USP15: variants seen among roughly 807,000 people sequenced by gnomAD.
The protein encoded by USP15 is ubiquitin carboxyl-terminal hydrolase 15.
In USP15, 18 loss-of-function variants were observed where a neutral mutation model predicts 127.1. The observed-to-expected ratio is 0.14, with a 90% CI of 0.10 to 0.21. The LOEUF (loss-of-function observed/expected upper bound fraction) is 0.21. USP15 is among the 10% of genes least tolerant of loss of function. The pLI is 1.00. For synonymous variants in USP15, 364 were observed against 393.7 expected (o/e 0.92, Z 0.89); for missense variants, 805 against 1,159.9 (o/e 0.69, Z 4.44).
intron 6 of USP15, chr12:62,335,915 C>T (rs954273379): frequency 3.0e-6 from 3 of 985,298 alleles, no homozygotes; most frequent in African/African-American, 1.7e-5. Flanking sequence ...AAGGACTTTG[C>T]CTCTCTGACC....
intron 1 of USP15, among the ~76,000 whole-genome samples, chr12:62,280,046 A>G (rs1404183847): frequency 6.6e-6 from 1 of 152,216 alleles, no homozygotes. Context: ...TGAAATTAAG[A>G]TAATAGTACC....
Position 62,391,375 on chromosome 12 carries a change from A to C in USP15, c.2179A>C (p.Ile727Leu). 6.2e-7 allele frequency: 1 copy of C among 1,612,966 alleles called. No individual in the cohort carries two copies. The highest frequency in any genetic ancestry group is 8.5e-7 in the Non-Finnish European group (1 of 1,179,472). Residue 727 changes from isoleucine (I) to leucine (L), a missense_variant, in exon 16 of 22, where the codon ATC becomes CTC. Coordinates refer to ENST00000280377, the MANE Select transcript of USP15 (RefSeq NM_001252078.2). Reference sequence around the variant, plus strand: ...CTTAGGCAATACTGATATCAACTACATCAAAGATGATACCAGGCATATAAG... The same window carrying C: ...CTTAGGCAATACTGATATCAACTACCTCAAAGATGATACCAGGCATATAAG... ...NNLGNTDINY[I>L]KDDTRHIRFD...
intron 8 of USP15, among the ~76,000 whole-genome samples, chr12:62,362,377 A>G (rs2137480688): frequency 6.6e-6 from 1 of 151,916 alleles, no homozygotes; most frequent in South Asian, 2.1e-4. Context: ...AGATGCTCTC[A>G]TTAAGTAGCA....
At chr12:62,333,907 A>G (rs1006469286) in intron 6 of USP15, among the ~76,000 whole-genome samples, 20 of 152,174 alleles carry the variant, frequency 1.3e-4, no homozygotes, top group African/African-American at 4.6e-4. Context: ...GACAGTTGGC[A>G]TCAAATAGAA....
intron 21 of USP15, among the ~76,000 whole-genome samples, chr12:62,403,903 G>A (rs11174461): frequency 0.11 from 17,015 of 152,008 alleles, 1,064 homozygotes; most frequent in Middle Eastern, 0.15. Context: ...CTATTTTTAC[G>A]TTAGAATTGT....
Position 62,391,421 on chromosome 12 carries a change from G to A in USP15, c.2225G>A (p.Arg742Lys), listed in dbSNP as rs764913258. 6.2e-7 allele frequency: 1 copy of A among 1,602,864 alleles called. No individual in the cohort carries two copies. The highest frequency in any genetic ancestry group is 8.5e-7 in the Non-Finnish European group (1 of 1,176,570). The part of the protein sequence containing the change: ...RHIRFDDRQL[R>K]LDERSFLALD... ...ATAAGATTTGATGATAGGCAGCTTA[G>A]GCTAGATGGTAAGTATTTGTGAAAA... is the stretch of plus-strand genomic sequence containing the variant. The change falls in exon 16 of 22, where the codon AGG becomes AAG. Residue 742 changes from arginine (R) to lysine (K), a missense_variant. Transcript: ENST00000280377.
intron 3 of USP15, chr12:62,304,549 T>G: frequency 3.7e-6 from 1 of 266,836 alleles, no homozygotes. Context: ...AGCCCAACTT[T>G]CAATGTTACC....
chr12:62,264,626 T>C (rs1482365412), intron 1 of USP15, among the ~76,000 whole-genome samples: 1 of 152,228 alleles, frequency 6.6e-6, no homozygotes, highest in Non-Finnish European at 1.5e-5. Flanking sequence ...ACAAGAGACA[T>C]TGATTTCAGT....
In USP15 at chr12:62,410,821, TTGA is replaced by T. The variant is rs772012276; in HGVS notation, c.*6450_*6452del. The T allele has an allele frequency of 4.0e-5, 6 of 151,100 alleles. No homozygotes were observed. The highest frequency in any genetic ancestry group is 1.2e-4 in the African/African-American group (5 of 41,108). 9.4% of individuals were successfully genotyped at this position (151,100 alleles called of 1,614,324 possible). ...GCAAAGGAATTAATAACTAATAGCA[TTGA>T]TGAGTCAAGTTAATATTTGTTTTTG... On this transcript the variant is annotated 3_prime_UTR_variant, in exon 22 of 22. Transcript: ENST00000280377.
At chr12:62,290,213 G>C (rs2063919136) in intron 1 of USP15, among the ~76,000 whole-genome samples, 1 of 152,048 alleles carries the variant, frequency 6.6e-6, no homozygotes. Context: ...AGTGGAATAT[G>C]GAAGTCCCCC....
At chr12:62,311,863 A>G (rs2064690252) in intron 3 of USP15, among the ~76,000 whole-genome samples, 1 of 151,856 alleles carries the variant, frequency 6.6e-6, no homozygotes, top group African/African-American at 2.4e-5. Context: ...ATTAAAAATG[A>G]GACAGAAGGA....
intron 1 of USP15, among the ~76,000 whole-genome samples, chr12:62,276,515 A>G (rs17659468): frequency 0.11 from 16,294 of 152,012 alleles, 936 homozygotes; most frequent in Middle Eastern, 0.17. Flanking sequence ...TATAAAGGGT[A>G]ATAATCTGTC....
In USP15 at chr12:62,390,948, C is replaced by G; in HGVS notation, c.1929C>G (p.Gly643=). 2 of 1,612,610 alleles carry G rather than the reference C, an allele frequency of 1.2e-6. No individual in the cohort carries two copies. Among genetic ancestry groups the G allele is most frequent in the Middle Eastern group, 1.7e-4 (1 of 6,054 alleles). The part of the protein sequence containing the change: ...CCKDQNINGN[G]PNGIHEEGSP... ...AGGACCAAAATATTAATGGGAATGG[C>G]CCAAATGGCATACATGAAGAAGGCT... Residue 643 remains glycine, a synonymous_variant, in exon 15 of 22, where the codon GGC becomes GGG. Coordinates refer to ENST00000280377, the MANE Select transcript of USP15 (RefSeq NM_001252078.2).
chr12:62,297,353 C>T lies in USP15; in HGVS notation c.217+3047C>T, dbSNP rs74337478. ...TTCAGGGTACTGCTTGAAGGACTGACTTCTGTCTTACCTTACCCAGTGTTT... is the reference window on the plus strand; with the variant it reads ...TTCAGGGTACTGCTTGAAGGACTGATTTCTGTCTTACCTTACCCAGTGTTT... On this transcript the variant is annotated intron_variant, in intron 2 of 21. Coordinates refer to ENST00000280377, the MANE Select transcript of USP15 (RefSeq NM_001252078.2). Among the ~76,000 whole-genome samples the T allele has an allele frequency of 7.0e-3, 1,065 of 152,128 alleles. 9 individuals are homozygous for T. Among genetic ancestry groups the T allele is most frequent in the African/African-American group, 0.023 (971 of 41,484 alleles).
chr12:62,403,674 A>T (rs893466241), intron 21 of USP15, among the ~76,000 whole-genome samples: 1 of 151,944 alleles, frequency 6.6e-6, no homozygotes. Flanking sequence ...ATGGAGAGGG[A>T]CTTATGATAG....
intron 1 of USP15, among the ~76,000 whole-genome samples, chr12:62,290,373 T>A (rs1371758301): frequency 6.6e-6 from 1 of 152,212 alleles, no homozygotes; most frequent in African/African-American, 2.4e-5. Flanking sequence ...TAACTTTGTG[T>A]ATTTTTTTAC....
chr12:62,273,472 G>A (rs1351354539), intron 1 of USP15, among the ~76,000 whole-genome samples: 1 of 152,168 alleles, frequency 6.6e-6, no homozygotes, highest in South Asian at 2.1e-4. Context: ...CAGTCGAAGG[G>A]TTTTATTGCT....
intron 1 of USP15, among the ~76,000 whole-genome samples, chr12:62,264,550 C>A (rs1395056094): frequency 6.6e-6 from 1 of 152,118 alleles, no homozygotes; most frequent in African/African-American, 2.4e-5. Flanking sequence ...TGTGTGAAGT[C>A]ATTTAAAATC....
chr12:62,325,901 T>A lies in USP15; in HGVS notation c.651T>A (p.Asp217Glu), dbSNP rs768407273. The A allele has an allele frequency of 5.6e-6, 9 of 1,610,770 alleles. No individual in the cohort carries two copies. The Admixed American group carries it at 8.4e-5, about 15-fold the overall frequency. ...TAGTGATAGAACAGAAAAATGAAGA[T>A]GGAACATGGCCAAGGGGTCCTTCTA... ...QVLVIEQKNE[D>E]GTWPRGPSTP... is the part of the protein sequence containing the mutation. Residue 217 changes from aspartate to glutamate, a missense_variant, in exon 6 of 22, where the codon GAT becomes GAA. Physicochemically the swap from Asp to Glu is conservative, Grantham distance 45. Around this residue, in one of 11 missense-constraint regions of USP15, gnomAD observed 84 missense variants for 107.7 expected, o/e 0.78. Coordinates refer to ENST00000280377, the MANE Select transcript of USP15 (RefSeq NM_001252078.2).
Sources: allele counts gnomAD v4.1 joint callset (sites outside exome capture counted in the v4.1 genomes callset), GRCh38; gene constraint gnomAD v4.1.1; regional missense constraint gnomAD v4.1.1; transcripts MANE v1.5; gene names NCBI Gene and HGNC (gene_info 2026-07-23, HGNC 2026-07-21).